The following JAZF1 variants were observed in gnomAD, a reference collection of about 807,000 sequenced individuals.
JAZF1 encodes the protein juxtaposed with another zinc finger protein 1.
Under a neutral mutation model 26.4 loss-of-function variants are expected in JAZF1, and 8 were observed. The ratio of observed to expected loss-of-function variants is 0.30; its 90% confidence interval spans 0.18 to 0.55. The LOEUF (loss-of-function observed/expected upper bound fraction) is 0.55, where lower values mean the gene tolerates loss of function less well. JAZF1 is among the 20% of genes least tolerant of loss of function. JAZF1 has a pLI of 0.94. For missense variants in JAZF1, 199 were observed against 322.0 expected (o/e 0.62, Z 2.92); for synonymous variants, 126 against 122.3 (o/e 1.03, Z -0.20).
intron 2 of JAZF1, among the ~76,000 whole-genome samples, chr7:27,906,795 T>C (rs1304340628): frequency 6.6e-6 from 1 of 152,242 alleles, no homozygotes; most frequent in African/African-American, 2.4e-5. Flanking sequence ...CCTCATTGAA[T>C]TGCAAATAAC....
intron 1 of JAZF1, among the ~76,000 whole-genome samples, chr7:28,146,375 C>A (rs930097393): frequency 6.6e-6 from 1 of 152,208 alleles, no homozygotes; most frequent in Non-Finnish European, 1.5e-5. Flanking sequence ...TGTAACTTGT[C>A]CCACTGTGAG....
At chr7:28,155,038 C>T (rs1161951358) in intron 1 of JAZF1, among the ~76,000 whole-genome samples, 5 of 152,202 alleles carry the variant, frequency 3.3e-5, no homozygotes, top group Middle Eastern at 3.4e-3. Context: ...AATTGGCTTG[C>T]GGTTTACTAA....
At chr7:27,867,654 T>A (rs941142548) in intron 3 of JAZF1, among the ~76,000 whole-genome samples, 2 of 152,214 alleles carry the variant, frequency 1.3e-5, no homozygotes, top group African/African-American at 2.4e-5. Context: ...AACTTTGACA[T>A]AAGCGATTGG....
chr7:27,936,082 A>G (rs190372233), intron 2 of JAZF1, among the ~76,000 whole-genome samples: 70 of 152,328 alleles, frequency 4.6e-4, no homozygotes, highest in African/African-American at 1.5e-3. Flanking sequence ...GCAAGTAGAA[A>G]CGCTATTGTT....
chr7:27,944,639 G>C (rs893085904), intron 2 of JAZF1, among the ~76,000 whole-genome samples: 2 of 152,220 alleles, frequency 1.3e-5, no homozygotes, highest in South Asian at 4.1e-4. Context: ...ACATATGGAT[G>C]TGAGATTTCA....
intron 1 of JAZF1, among the ~76,000 whole-genome samples, chr7:28,133,177 G>A (rs1782824178): frequency 6.6e-6 from 1 of 152,200 alleles, no homozygotes; most frequent in African/African-American, 2.4e-5. Flanking sequence ...AAATGCAAAT[G>A]ACTTGATAAG....
chr7:27,849,100 G>T (rs1483381366), intron 3 of JAZF1, among the ~76,000 whole-genome samples: 1 of 151,752 alleles, frequency 6.6e-6, no homozygotes, highest in African/African-American at 2.4e-5. Context: ...CAAAATTTGT[G>T]TTCCTTTGAT....
chr7:28,023,749 G>C (rs1783044777), intron 1 of JAZF1, among the ~76,000 whole-genome samples: 1 of 152,212 alleles, frequency 6.6e-6, no homozygotes. Flanking sequence ...TCATGGAGTG[G>C]ACAGTTTTAG....
intron 1 of JAZF1, among the ~76,000 whole-genome samples, chr7:28,121,708 C>T (rs1468860718): frequency 6.6e-6 from 1 of 152,212 alleles, no homozygotes; most frequent in Non-Finnish European, 1.5e-5. Context: ...TATGTTTGTA[C>T]ATTTCTCTGT....
intron 2 of JAZF1, among the ~76,000 whole-genome samples, chr7:27,991,337 G>A (rs905613639): frequency 6.6e-6 from 1 of 152,192 alleles, no homozygotes; most frequent in South Asian, 2.1e-4. Context: ...ATTTGAGTTG[G>A]CTGAAACACT....
At chr7:28,080,679 G>A (rs982599002) in intron 1 of JAZF1, among the ~76,000 whole-genome samples, 1 of 152,202 alleles carries the variant, frequency 6.6e-6, no homozygotes, top group Non-Finnish European at 1.5e-5. Context: ...GAGAGGAAGA[G>A]AGACAGAGGA....
intron 2 of JAZF1, chr7:27,914,725 G>C (rs1784416231): frequency 2.1e-6 from 1 of 470,988 alleles, no homozygotes; most frequent in African/African-American, 2.0e-5. Flanking sequence ...CAGGGCAACA[G>C]TTACCTTTCA....
At chr7:27,836,384 G>A (rs1225597807) in intron 4 of JAZF1, among the ~76,000 whole-genome samples, 10 of 152,114 alleles carry the variant, frequency 6.6e-5, no homozygotes, top group African/African-American at 2.2e-4. Flanking sequence ...GACAGCAGGC[G>A]ACTTAAAGGC....
intron 1 of JAZF1, among the ~76,000 whole-genome samples, chr7:28,140,962 T>G (rs938290921): frequency 6.6e-6 from 1 of 152,220 alleles, no homozygotes; most frequent in Non-Finnish European, 1.5e-5. Context: ...TTGTAGGAAA[T>G]GTTCAATGTT....
At chr7:27,909,402 TC>T (rs773503722) in intron 2 of JAZF1, among the ~76,000 whole-genome samples, 4 of 27,652 alleles carry the variant, frequency 1.4e-4, no homozygotes, top group African/African-American at 2.4e-4. Context: ...AGGCATAATT[TC>T]AAAAAAAAAA....
intron 1 of JAZF1, among the ~76,000 whole-genome samples, chr7:28,100,152 A>G (rs2127926817): frequency 6.6e-6 from 1 of 152,364 alleles, no homozygotes; most frequent in South Asian, 2.1e-4. Flanking sequence ...AAAGTTCTGA[A>G]GAGAGGGTGG....
At chr7:27,846,338 C>T (rs568116764) in intron 3 of JAZF1, among the ~76,000 whole-genome samples, 33 of 141,982 alleles carry the variant, frequency 2.3e-4, no homozygotes, top group South Asian at 7.4e-4. Context: ...CATATGTACA[C>T]GTATATATAC....
intron 2 of JAZF1, among the ~76,000 whole-genome samples, chr7:27,954,845 C>T (rs1303350050): frequency 3.3e-5 from 5 of 152,184 alleles, no homozygotes; most frequent in Admixed American, 2.0e-4. Flanking sequence ...GCAACCTCTG[C>T]CTCTTGGGTT....
At chr7:27,922,056 G>A (rs947664769) in intron 2 of JAZF1, among the ~76,000 whole-genome samples, 2 of 152,112 alleles carry the variant, frequency 1.3e-5, no homozygotes, top group Non-Finnish European at 2.9e-5. Context: ...AGGGAACTTA[G>A]TATAAATTTT....
Sources: allele counts gnomAD v4.1 joint callset (sites outside exome capture counted in the v4.1 genomes callset), GRCh38; gene constraint gnomAD v4.1.1; transcripts MANE v1.5; gene names NCBI Gene and HGNC (gene_info 2026-07-23, HGNC 2026-07-21).